The following MCPH1 variants were observed in gnomAD, a reference collection of about 807,000 sequenced individuals.
MCPH1 encodes the protein microcephalin.
In MCPH1, 104 loss-of-function variants were observed where a neutral mutation model predicts 84.5. The ratio of observed to expected loss-of-function variants is 1.23; its 90% confidence interval spans 1.05 to 1.45. The LOEUF is 1.45. MCPH1 is among the 40% of genes most tolerant of loss of function. The probability of loss-of-function intolerance (pLI) is 0.00; values close to 1 mark genes in which losing one functional copy is unlikely to be tolerated. For synonymous variants in MCPH1, 514 were observed against 366.8 expected, an observed-to-expected ratio of 1.40 and a Z score of -4.58; for missense variants, 1,498 against 1,005.7, an observed-to-expected ratio of 1.49 and a Z score of -6.62.
intron 12 of MCPH1, among the ~76,000 whole-genome samples, chr8:6,548,919 C>G (rs1823082023): frequency 6.6e-6 from 1 of 152,184 alleles, no homozygotes; most frequent in South Asian, 2.1e-4. Context: ...TATTTCACTA[C>G]CTCCTTGTTA....
intron 12 of MCPH1, among the ~76,000 whole-genome samples, chr8:6,564,609 A>C (rs140986495): frequency 1.3e-5 from 2 of 152,192 alleles, no homozygotes; most frequent in Admixed American, 6.5e-5. Context: ...TACAAGGTTT[A>C]TTATTCCCAG....
chr8:6,562,782 G>C, intron 12 of MCPH1: 5 of 1,613,466 alleles, frequency 3.1e-6, no homozygotes, highest in Non-Finnish European at 4.2e-6. Flanking sequence ...AGCGGCAGTT[G>C]TCCATCTCTG....
At chr8:6,527,275 G>T (rs1042832703) in intron 12 of MCPH1, among the ~76,000 whole-genome samples, 1 of 152,134 alleles carries the variant, frequency 6.6e-6, no homozygotes, top group African/African-American at 2.4e-5. Context: ...TTTTATAATA[G>T]ATTAGCATGC....
At chr8:6,594,648 A>G (rs1008210283) in intron 12 of MCPH1, among the ~76,000 whole-genome samples, 1 of 151,910 alleles carries the variant, frequency 6.6e-6, no homozygotes, top group Non-Finnish European at 1.5e-5. Flanking sequence ...AGAAGAAAGT[A>G]CTGACGCTAC....
At chr8:6,605,190 T>C (rs1341338364) in intron 12 of MCPH1, among the ~76,000 whole-genome samples, 1 of 152,190 alleles carries the variant, frequency 6.6e-6, no homozygotes, top group Non-Finnish European at 1.5e-5. Context: ...GAATCTGGAA[T>C]GGTTACTCAT....
intron 9 of MCPH1, among the ~76,000 whole-genome samples, chr8:6,469,572 C>T (rs780893115): frequency 2.0e-5 from 3 of 152,018 alleles, no homozygotes; most frequent in Non-Finnish European, 4.4e-5. Flanking sequence ...TTATACTGGG[C>T]GTGAACAAGG....
chr8:6,406,901 C>T (rs1328759307), intron 1 of MCPH1, among the ~76,000 whole-genome samples: 1 of 99,496 alleles, frequency 1.0e-5, no homozygotes, highest in Admixed American at 9.9e-5. Flanking sequence ...GCCTGTCCCC[C>T]CAAAACCCCC....
intron 9 of MCPH1, among the ~76,000 whole-genome samples, chr8:6,465,586 C>G (rs1317879563): frequency 6.6e-6 from 1 of 152,168 alleles, no homozygotes; most frequent in African/African-American, 2.4e-5. Flanking sequence ...CTCCCCGGGT[C>G]CTCAGAGCTT....
intron 12 of MCPH1, chr8:6,513,882 AT>A (rs750975456): frequency 9.0e-6 from 14 of 1,562,206 alleles, no homozygotes; most frequent in East Asian, 2.3e-5. Context: ...ATTTCATGTA[AT>A]TTTTTCTTTG....
At chr8:6,558,673 G>C (rs1185479709) in intron 12 of MCPH1, among the ~76,000 whole-genome samples, 1 of 152,110 alleles carries the variant, frequency 6.6e-6, no homozygotes, top group Admixed American at 6.6e-5. Context: ...TAGAAGGTAA[G>C]GTTATGGAAA....
At chr8:6,408,487 G>C (rs1798061848) in intron 1 of MCPH1, among the ~76,000 whole-genome samples, 1 of 151,956 alleles carries the variant, frequency 6.6e-6, no homozygotes, top group African/African-American at 2.4e-5. Context: ...CTTGCAAAAT[G>C]CTGGGATTAC....
At chr8:6,406,819 A>T (rs1585530769) in intron 1 of MCPH1, 130 bp downstream of exon 1, 2 of 868,684 alleles carry the variant, frequency 2.3e-6, no homozygotes, top group Middle Eastern at 3.1e-4. Flanking sequence ...TCTCCCCCAG[A>T]CCCCCTGCCG....
At chr8:6,493,567 G>A (rs1810897751) in intron 11 of MCPH1, among the ~76,000 whole-genome samples, 1 of 152,160 alleles carries the variant, frequency 6.6e-6, no homozygotes, top group South Asian at 2.1e-4. Flanking sequence ...TTCTTTATGA[G>A]ACAGCTAGAG....
chr8:6,417,233 C>G (rs1799438692), intron 3 of MCPH1, among the ~76,000 whole-genome samples: 1 of 152,138 alleles, frequency 6.6e-6, no homozygotes, highest in South Asian at 2.1e-4. Context: ...ATATCTTTTT[C>G]TAATTAGCTG....
chr8:6,518,160 G>A (rs1191731799), intron 12 of MCPH1, among the ~76,000 whole-genome samples: 1 of 152,154 alleles, frequency 6.6e-6, no homozygotes, highest in Non-Finnish European at 1.5e-5. Context: ...ATGTGATGGG[G>A]CTGCATGGTT....
Position 6,423,185 on chromosome 8 carries a change from C to CTTTT in MCPH1, c.233+8303_233+8306dup, listed in dbSNP as rs374999485. On this transcript the variant is annotated intron_variant, in intron 3 of 13. Transcript: ENST00000344683. Reference sequence around the variant, plus strand: ...CTTAATCTTTTGGCATTTTTCTTTTCTTTTCTTTTTTTTTTTTTTTTTGAA... The same window carrying CTTTT: ...CTTAATCTTTTGGCATTTTTCTTTTCTTTTTTTTCTTTTTTTTTTTTTTTTTGAA... 2.1e-4 allele frequency among the ~76,000 whole-genome samples: 23 copies of CTTTT among 110,784 alleles called. 3 individuals are homozygous for CTTTT. Among genetic ancestry groups the CTTTT allele is most frequent in the Admixed American group, 3.1e-4 (3 of 9,630 alleles). The allele number at this position is 110,784 out of a possible 152,430, so 72.7% of individuals were successfully genotyped here.
chr8:6,484,118 T>C (rs755375316), intron 11 of MCPH1, among the ~76,000 whole-genome samples: 7 of 152,194 alleles, frequency 4.6e-5, no homozygotes, highest in Non-Finnish European at 8.8e-5. Context: ...GTGAAAGATA[T>C]TATGAAGAGA....
At chr8:6,565,903 A>G (rs1826105565) in intron 12 of MCPH1, among the ~76,000 whole-genome samples, 1 of 152,214 alleles carries the variant, frequency 6.6e-6, no homozygotes, top group Non-Finnish European at 1.5e-5. Flanking sequence ...CATGGAAGGA[A>G]CAGCTCTTTG....
In MCPH1 at chr8:6,432,948, G is replaced by C. The variant is rs17076850; in HGVS notation, c.321+1362G>C. ...CTTTGATTGCCCTCCCTCAATGTAA[G>C]CAGCTTTCAATTTGATGAGTATCCT... On this transcript the variant is annotated intron_variant, in intron 4 of 13. Transcript: ENST00000344683. 8.5e-3 allele frequency among the ~76,000 whole-genome samples: 1,298 copies of C among 152,292 alleles called. 60 individuals are homozygous for C. In the East Asian group the frequency reaches 0.086, roughly 10 times the overall value.
Sources: gnomAD v4.1 joint callset for allele counts (sites outside exome capture counted in the v4.1 genomes callset) on GRCh38, gnomAD v4.1.1 for gene constraint, MANE v1.5 for transcripts, NCBI Gene and HGNC (gene_info 2026-07-23, HGNC 2026-07-21) for gene names.